SULT4A1: variants seen among roughly 807,000 people sequenced by gnomAD.
SULT4A1 encodes sulfotransferase 4A1.
Under a neutral mutation model 35.2 loss-of-function variants are expected in SULT4A1, and 11 were observed. That is an observed-to-expected ratio of 0.31 (90% confidence interval 0.20 to 0.52). The LOEUF is 0.52. Ranked by LOEUF, SULT4A1 falls within the 20% of genes least tolerant of loss-of-function variation. The pLI, the probability that SULT4A1 is intolerant of heterozygous loss-of-function variation, is 0.97. For missense variants in SULT4A1, 271 were observed against 383.7 expected, an observed-to-expected ratio of 0.71 and a Z score of 2.45; for synonymous variants, 152 against 151.8, an observed-to-expected ratio of 1.00 and a Z score of -0.01.
In SULT4A1 at chr22:43,833,688, G is replaced by T; in HGVS notation, c.555C>A (p.His185Gln). The part of the protein sequence containing the change: ...WFEHVQEFWE[H>Q]RMDSNVLFLK... The stretch of plus-strand genomic sequence containing the variant: ...GAAAAAGCACGTTCGAGTCCATGCG[G>T]TGCTCCCAGAACTCCTGCACGTGCT... The change falls in exon 5 of 7, where the codon CAC becomes CAA. Residue 185 changes from histidine to glutamine, a missense_variant. His to Gln is a conservative substitution (Grantham distance 24). Coordinates refer to ENST00000330884, the MANE Select transcript of SULT4A1 (RefSeq NM_014351.4). 1 of 1,591,132 alleles carries T rather than the reference G, an allele frequency of 6.3e-7. No individual in the cohort carries two copies. Among genetic ancestry groups the T allele is most frequent in the Admixed American group, 1.8e-5 (1 of 56,824 alleles).
chr22:43,859,259 C>A (rs1050894177), intron 1 of SULT4A1, among the ~76,000 whole-genome samples: 1 of 152,234 alleles, frequency 6.6e-6, no homozygotes, highest in African/African-American at 2.4e-5. Context: ...ATGAATCAAT[C>A]TGGTCAAATC....
intron 2 of SULT4A1, 150 bp from the exon 3 acceptor site, chr22:43,840,175 C>G: frequency 1.5e-5 from 5 of 342,056 alleles, no homozygotes; most frequent in South Asian, 8.6e-5. Flanking sequence ...TCTAGGGTAG[C>G]GGAGGGGTCA....
At chr22:43,834,139 C>T (rs1254725788) in intron 4 of SULT4A1, among the ~76,000 whole-genome samples, 1 of 152,174 alleles carries the variant, frequency 6.6e-6, no homozygotes, top group Non-Finnish European at 1.5e-5. Context: ...TAGGACAGAT[C>T]CAGAACACGG....
At chr22:43,859,016 G>A (rs926394907) in intron 1 of SULT4A1, among the ~76,000 whole-genome samples, 46 of 152,228 alleles carry the variant, frequency 3.0e-4, no homozygotes, top group African/African-American at 1.1e-3. Context: ...TGGCTTGTCA[G>A]TTAACTTTTC....
At chr22:43,828,855 C>T (rs1395628036) in intron 6 of SULT4A1, 7 of 494,536 alleles carry the variant, frequency 1.4e-5, no homozygotes, top group East Asian at 6.9e-5. Flanking sequence ...CAAACACCAG[C>T]GGGCAGGGTA....
intron 1 of SULT4A1, among the ~76,000 whole-genome samples, chr22:43,844,726 G>A (rs886769874): frequency 1.1e-4 from 16 of 152,202 alleles, no homozygotes; most frequent in Non-Finnish European, 2.1e-4. Context: ...CCTAGGCACA[G>A]CTGTCTCAGA....
rs191395798 is a variant in SULT4A1, at chr22:43,845,524, G to A, written c.170-3592C>T. 1.5e-4 allele frequency among the ~76,000 whole-genome samples: 23 copies of A among 151,832 alleles called. No homozygotes were observed. In the East Asian group the frequency reaches 3.5e-3, roughly 23 times the overall value. ...AGTGAGCCCCGCCGACCCTGCCGTC[G>A]GGTGTGTCCAGAGCTGACCCTCCCC... On this transcript the variant is annotated intron_variant, in intron 1 of 6. Transcript: ENST00000330884.
chr22:43,824,793 C>A lies in SULT4A1; in HGVS notation c.*1208G>T, dbSNP rs138056. 0.24 allele frequency: 35,853 copies of A among 151,980 alleles called. 4,389 individuals carry two copies. The highest frequency in any genetic ancestry group is 0.31 in the African/African-American group (12,989 of 41,416). 9.4% of individuals were successfully genotyped at this position (151,980 alleles called of 1,614,324 possible). On this transcript the variant is annotated 3_prime_UTR_variant, in exon 7 of 7. Transcript: ENST00000330884. ...CGGAGACCCCTTCCACAGCAGCGAC[C>A]CTCCTGACCACCACTTTGGGTGCTT...
chr22:43,840,871 TG>T (rs1569503740), intron 2 of SULT4A1, among the ~76,000 whole-genome samples: 1 of 152,142 alleles, frequency 6.6e-6, no homozygotes, highest in Non-Finnish European at 1.5e-5. Flanking sequence ...CCTCGTGCCG[TG>T]GGGTCTTTGC....
intron 5 of SULT4A1, among the ~76,000 whole-genome samples, chr22:43,832,967 G>C (rs1475919010): frequency 6.6e-6 from 1 of 152,060 alleles, no homozygotes; most frequent in Non-Finnish European, 1.5e-5. Context: ...CCACAGGCTG[G>C]CCTTGTCTGT....
At chr22:43,861,248 T>C (rs2049464889) in intron 1 of SULT4A1, among the ~76,000 whole-genome samples, 1 of 152,204 alleles carries the variant, frequency 6.6e-6, no homozygotes, top group Non-Finnish European at 1.5e-5. Flanking sequence ...CAGCCAAGCC[T>C]ACAGCTTTTC....
At chr22:43,856,190 C>T (rs981984188) in intron 1 of SULT4A1, among the ~76,000 whole-genome samples, 1 of 152,194 alleles carries the variant, frequency 6.6e-6, no homozygotes, top group Non-Finnish European at 1.5e-5. Context: ...TACTTGTACC[C>T]TTCTCCCTTA....
At chr22:43,859,548 C>T (rs1463157939) in intron 1 of SULT4A1, among the ~76,000 whole-genome samples, 2 of 152,250 alleles carry the variant, frequency 1.3e-5, no homozygotes. Flanking sequence ...TTGCATCAAA[C>T]CAACACACAG....
At chr22:43,826,439 C>G (rs980188728) in intron 6 of SULT4A1, 4 of 985,314 alleles carry the variant, frequency 4.1e-6, no homozygotes, top group Non-Finnish European at 4.8e-6. Context: ...GTGCTGGGTC[C>G]CCAGCACCTA....
chr22:43,836,146 G>A lies in SULT4A1; in HGVS notation c.509-2412C>T, dbSNP rs1205578997. On this transcript the variant is annotated intron_variant, in intron 4 of 6. Coordinates refer to ENST00000330884, the MANE Select transcript of SULT4A1 (RefSeq NM_014351.4). Reference sequence around the variant, plus strand: ...GCCACAGGGAGCCTGTCTACACAGCGTCCTCACACTGCAGGTGCCACAGGG... The same window carrying A: ...GCCACAGGGAGCCTGTCTACACAGCATCCTCACACTGCAGGTGCCACAGGG... Among the ~76,000 whole-genome samples the A allele has an allele frequency of 1.7e-4, 26 of 151,894 alleles. 1 individual carries two copies. The highest frequency in any genetic ancestry group is 9.6e-4 in the East Asian group (5 of 5,182).
chr22:43,857,956 A>G (rs1346489129), intron 1 of SULT4A1, among the ~76,000 whole-genome samples: 1 of 147,396 alleles, frequency 6.8e-6, no homozygotes, highest in Non-Finnish European at 1.5e-5. Context: ...AGGCTGAGGC[A>G]GGAGGATTGC....
intron 1 of SULT4A1, among the ~76,000 whole-genome samples, chr22:43,861,827 G>T (rs189336787): frequency 6.6e-6 from 1 of 152,248 alleles, no homozygotes; most frequent in Non-Finnish European, 1.5e-5. Context: ...ATCAAAGGTT[G>T]GGCAGGATTC....
In SULT4A1 at chr22:43,825,835, G is replaced by T; in HGVS notation, c.*166C>A. The T allele has an allele frequency of 1.6e-6, 1 of 643,200 alleles. No homozygotes were observed. The highest frequency in any genetic ancestry group is 2.7e-6 in the Non-Finnish European group (1 of 375,898). The allele number at this position is 643,200 out of a possible 1,614,324, so 39.8% of individuals were successfully genotyped here. On this transcript the variant is annotated 3_prime_UTR_variant, in exon 7 of 7. Coordinates refer to ENST00000330884, the MANE Select transcript of SULT4A1 (RefSeq NM_014351.4). The stretch of plus-strand genomic sequence containing the variant: ...TTCTAAAGGCGAGACAGCTGCTTTC[G>T]GTTGGGAATCATCACACTCCCTCCG...
At position 43,829,051 on chromosome 22, in the gene SULT4A1, G is replaced by A. The variant is rs1163371672; in HGVS notation, c.742+9C>T. ...AGTGCCTGGGCGGGAGGCAGGGTGG[G>A]GCACGTACCCCGGCCCACGGGCAGG... On this transcript the variant is annotated intron_variant, in intron 6 of 6. Coordinates refer to ENST00000330884, the MANE Select transcript of SULT4A1 (RefSeq NM_014351.4). The A allele has an allele frequency of 6.6e-7, 1 of 1,519,874 alleles. No individual in the cohort carries two copies. Among genetic ancestry groups the A allele is most frequent in the Non-Finnish European group, 8.9e-7 (1 of 1,127,854 alleles). 94.1% of individuals were successfully genotyped at this position (1,519,874 alleles called of 1,614,324 possible). A position where few individuals can be genotyped will look rare whatever the true frequency, so the allele number is the denominator to read the frequency against.
Sources: gnomAD v4.1 joint callset for allele counts (sites outside exome capture counted in the v4.1 genomes callset) on GRCh38, gnomAD v4.1.1 for gene constraint, MANE v1.5 for transcripts, NCBI Gene and HGNC (gene_info 2026-07-23, HGNC 2026-07-21) for gene names.